SGPP2: variants seen among roughly 807,000 people sequenced by gnomAD.
The protein encoded by SGPP2 is sphingosine 1-phosphate phosphohydrolase 2.
SGPP2 carries 30 observed loss-of-function variants against 33.9 expected under a neutral mutation model. The observed-to-expected ratio is 0.89, with a 90% confidence interval of 0.66 to 1.20. The LOEUF is 1.20. Ranked by LOEUF, SGPP2 falls within the 50% of genes most tolerant of loss-of-function variation. SGPP2 has a pLI of 0.00. For missense variants in SGPP2, 458 were observed against 532.1 expected (o/e 0.86, Z 1.37); for synonymous variants, 233 against 225.0 (o/e 1.04, Z -0.32).
In SGPP2 at chr2:222,474,627, A is replaced by G; in HGVS notation, c.279A>G (p.Ser93=). 1.2e-6 allele frequency: 2 copies of G among 1,614,072 alleles called. No homozygotes were observed. The highest frequency in any genetic ancestry group is 1.7e-6 in the Non-Finnish European group (2 of 1,179,978). ...NYFYYYLFQF[S]AALGQEVFYI... is the part of the protein sequence containing the mutation. ...TCTACTATTACCTATTCCAATTTTCAGCTGCTTTGGGCCAAGAAGTGTTCT... is the reference window on the plus strand; with the variant it reads ...TCTACTATTACCTATTCCAATTTTCGGCTGCTTTGGGCCAAGAAGTGTTCT... Residue 93 remains serine, a synonymous_variant, in exon 2 of 5, where the codon TCA becomes TCG. Transcript: ENST00000321276.
rs1036109421 is a variant in SGPP2, at chr2:222,550,141, G to A, written c.649-8206G>A. On this transcript the variant is annotated intron_variant, in intron 4 of 4. Transcript: ENST00000321276. This position sits in a 1 kb window ranked among gnomAD's most constrained non-coding sequence, Gnocchi z 4.5. ...GATCCACCCGCCTCGGCCTCCCAAA[G>A]TGCTGGGATTACAGGCATGAGCCAC... 6.6e-6 allele frequency among the ~76,000 whole-genome samples: 1 copy of A among 152,090 alleles called. No homozygotes were observed. The highest frequency in any genetic ancestry group is 2.4e-5 in the African/African-American group (1 of 41,424).
intron 2 of SGPP2, among the ~76,000 whole-genome samples, chr2:222,492,864 C>G (rs993006168): frequency 1.3e-5 from 2 of 152,192 alleles, no homozygotes; most frequent in African/African-American, 4.8e-5. Flanking sequence ...TGCCAGCAGT[C>G]TCTTTGTTTA....
At chr2:222,425,165 ACTT>A (rs888679288) in intron 1 of SGPP2, among the ~76,000 whole-genome samples, 1 of 152,182 alleles carries the variant, frequency 6.6e-6, no homozygotes, top group African/African-American at 2.4e-5. Flanking sequence ...TGTCCTTGGC[ACTT>A]CCCCGGGGAG....
At chr2:222,451,754 T>A (rs959800673) in intron 1 of SGPP2, among the ~76,000 whole-genome samples, 2 of 152,230 alleles carry the variant, frequency 1.3e-5, no homozygotes, top group African/African-American at 4.8e-5. Flanking sequence ...AAAAGATCTA[T>A]AAATTCAAAA....
chr2:222,453,076 G>T, intron 1 of SGPP2: 2 of 1,223,996 alleles, frequency 1.6e-6, no homozygotes, highest in South Asian at 2.4e-5. Flanking sequence ...TGCAGCAGTG[G>T]GTTGTTTGCC....
rs1475994159 is a variant in SGPP2 at position 222,476,346 on chromosome 2, C to T, written c.378+1620C>T. Among the ~76,000 whole-genome samples the T allele has an allele frequency of 6.6e-6, 1 of 152,128 alleles. No individual in the cohort carries two copies. The highest frequency in any genetic ancestry group is 1.5e-5 in the Non-Finnish European group (1 of 68,026). On this transcript the variant is annotated intron_variant, in intron 2 of 4. Transcript: ENST00000321276. The surrounding 1 kb of genome is among the most constrained non-coding windows in gnomAD (Gnocchi z 4.3). Reference sequence around the variant, plus strand: ...GGGCGGGGTATCCACACAAATTCTTCACCAGGTGGTGACAGAGGGACTAGG... The same window carrying T: ...GGGCGGGGTATCCACACAAATTCTTTACCAGGTGGTGACAGAGGGACTAGG...
intron 2 of SGPP2, among the ~76,000 whole-genome samples, chr2:222,512,397 C>A (rs1336972389): frequency 6.6e-6 from 1 of 151,912 alleles, no homozygotes; most frequent in Admixed American, 6.6e-5. Context: ...TCTCCCCACG[C>A]CACATACACA....
At chr2:222,468,102 C>T (rs551651408) in intron 1 of SGPP2, among the ~76,000 whole-genome samples, 1 of 150,634 alleles carries the variant, frequency 6.6e-6, no homozygotes, top group Non-Finnish European at 1.5e-5. Flanking sequence ...AAGTTAATTA[C>T]AGGAAGATGA....
chr2:222,472,709 A>T (rs547208696), intron 1 of SGPP2, among the ~76,000 whole-genome samples: 1 of 152,324 alleles, frequency 6.6e-6, no homozygotes, highest in East Asian at 1.9e-4. Context: ...TTCATCCCCC[A>T]ACAGGGAGCA....
chr2:222,446,058 A>C (rs1387488156), intron 1 of SGPP2, among the ~76,000 whole-genome samples: 2 of 152,214 alleles, frequency 1.3e-5, no homozygotes, highest in East Asian at 3.8e-4. Flanking sequence ...GTAGAAATAA[A>C]GTCATGGGTC....
Position 222,477,305 on chromosome 2 carries a change from A to AT in SGPP2, c.378+2580dup. On this transcript the variant is annotated intron_variant, in intron 2 of 4. Transcript: ENST00000321276. The surrounding 1 kb of genome is among the most constrained non-coding windows in gnomAD (Gnocchi z 6.0). ...TGTATGGGTGTGTATATGTGTGTAT[A>AT]TAGGTGTGAGTATATATGTGTGTCT... Among the ~76,000 whole-genome samples the AT allele has an allele frequency of 6.7e-6, 1 of 150,026 alleles. No individual in the cohort carries two copies. Among genetic ancestry groups the AT allele is most frequent in the Non-Finnish European group, 1.5e-5 (1 of 67,494 alleles).
intron 1 of SGPP2, among the ~76,000 whole-genome samples, chr2:222,444,780 A>C (rs1559145331): frequency 6.6e-6 from 1 of 152,252 alleles, no homozygotes; most frequent in Non-Finnish European, 1.5e-5. Context: ...GGTGCAGCAG[A>C]AGATCTCAGG....
intron 2 of SGPP2, among the ~76,000 whole-genome samples, chr2:222,478,428 G>A (rs966500445): frequency 6.6e-6 from 1 of 152,094 alleles, no homozygotes; most frequent in Non-Finnish European, 1.5e-5. Flanking sequence ...GGGCGGATTT[G>A]GGAGCCTGGG....
intron 1 of SGPP2, among the ~76,000 whole-genome samples, chr2:222,449,624 C>T (rs1438382099): frequency 6.6e-6 from 1 of 152,170 alleles, no homozygotes; most frequent in Non-Finnish European, 1.5e-5. Flanking sequence ...CACCTGCCAC[C>T]ACGCCCTGCT....
chr2:222,486,366 C>T (rs1050281608), intron 2 of SGPP2, among the ~76,000 whole-genome samples: 2 of 152,064 alleles, frequency 1.3e-5, no homozygotes, highest in Admixed American at 6.6e-5. Context: ...TTAGCATCAT[C>T]GTTATTATTA....
chr2:222,557,706 T>A (rs943921822), intron 4 of SGPP2, among the ~76,000 whole-genome samples: 8 of 152,192 alleles, frequency 5.3e-5, no homozygotes, highest in African/African-American at 1.9e-4. Context: ...GCCACTGTTC[T>A]AAAGAATGGG....
intron 1 of SGPP2, among the ~76,000 whole-genome samples, chr2:222,431,564 C>T (rs1339724878): frequency 1.3e-5 from 2 of 152,032 alleles, no homozygotes; most frequent in African/African-American, 2.4e-5. Context: ...GGACTATTTA[C>T]AAAGACGTGG....
intron 1 of SGPP2, among the ~76,000 whole-genome samples, chr2:222,469,337 C>A (rs756546894): frequency 3.3e-5 from 5 of 152,192 alleles, no homozygotes; most frequent in African/African-American, 1.2e-4. Context: ...ACATGTGCCA[C>A]CATGCCCGGC....
chr2:222,502,371 C>A (rs1384101096), intron 2 of SGPP2, among the ~76,000 whole-genome samples: 1 of 152,158 alleles, frequency 6.6e-6, no homozygotes, highest in African/African-American at 2.4e-5. Context: ...GCCAGGCATA[C>A]TCCATACAAA....
Sources: allele counts gnomAD v4.1 joint callset (sites outside exome capture counted in the v4.1 genomes callset), GRCh38; gene constraint gnomAD v4.1.1; non-coding constraint Gnocchi (gnomAD v3.1); transcripts MANE v1.5; gene names NCBI Gene and HGNC (gene_info 2026-07-23, HGNC 2026-07-21).